The following SYT1 variants were observed in gnomAD, a reference collection of about 807,000 sequenced individuals.
The protein encoded by SYT1 is synaptotagmin-1.
A neutral mutation model predicts 44.8 loss-of-function variants in SYT1; 8 were observed. That is an observed-to-expected ratio of 0.18 (90% CI 0.10 to 0.32). SYT1 has a LOEUF of 0.32. Among genes scored for constraint, SYT1 ranks in the 10% least tolerant of loss-of-function variants. The pLI, the probability that SYT1 is intolerant of heterozygous loss-of-function variation, is 1.00. For missense variants in SYT1, 286 were observed against 509.3 expected (o/e 0.56, Z 4.22); for synonymous variants, 154 against 188.8 (o/e 0.82, Z 1.51).
At chr12:78,933,717 A>T (rs1877882245) in intron 1 of SYT1, among the ~76,000 whole-genome samples, 1 of 152,162 alleles carries the variant, frequency 6.6e-6, no homozygotes, top group Admixed American at 6.6e-5. Flanking sequence ...AATTTTTGAT[A>T]ATTCATCATA....
chr12:79,329,399 A>G (rs904735632), intron 8 of SYT1, among the ~76,000 whole-genome samples: 1 of 152,252 alleles, frequency 6.6e-6, no homozygotes, highest in Non-Finnish European at 1.5e-5. Flanking sequence ...TACTGAAAAT[A>G]TAAGTGTCTG....
intron 3 of SYT1, among the ~76,000 whole-genome samples, chr12:79,096,495 T>C (rs1878139055): frequency 6.6e-6 from 1 of 151,994 alleles, no homozygotes. Context: ...CTTTAACAGA[T>C]GTAGTCCAGA....
chr12:79,371,531 A>AT (rs1484718312), intron 9 of SYT1, among the ~76,000 whole-genome samples: 11 of 152,186 alleles, frequency 7.2e-5, no homozygotes, highest in Non-Finnish European at 1.5e-4. Context: ...CTCTTTATTC[A>AT]TTTTCTTCAG....
At chr12:79,194,322 A>G (rs925798277) in intron 3 of SYT1, among the ~76,000 whole-genome samples, 5 of 152,112 alleles carry the variant, frequency 3.3e-5, no homozygotes, top group African/African-American at 1.2e-4. Flanking sequence ...GATTGGTGTC[A>G]CCTATGTTTA....
intron 3 of SYT1, among the ~76,000 whole-genome samples, chr12:79,065,355 C>A (rs1875763189): frequency 6.6e-6 from 1 of 152,240 alleles, no homozygotes; most frequent in African/African-American, 2.4e-5. Flanking sequence ...TGTGCCACTG[C>A]ATTCCAGCCT....
rs1478645907 is a variant in SYT1, at chr12:79,408,816, T to A, written c.929-35257T>A. The stretch of plus-strand genomic sequence containing the variant: ...CTGATAATTATAATTTCCCGGAGAG[T>A]TATGGCACACAAATTACTTTGTAAT... On this transcript the variant is annotated intron_variant, in intron 9 of 10. Coordinates refer to ENST00000261205, the MANE Select transcript of SYT1 (RefSeq NM_005639.3). Among the ~76,000 whole-genome samples the A allele has an allele frequency of 4.0e-5, 6 of 151,800 alleles. No homozygotes were observed. In the East Asian group the frequency reaches 1.2e-3, roughly 29 times the overall value.
At chr12:78,876,751 G>T (rs868853032) in intron 1 of SYT1, among the ~76,000 whole-genome samples, 4 of 54,404 alleles carry the variant, frequency 7.4e-5, no homozygotes, top group African/African-American at 1.0e-4. Flanking sequence ...ATTATATATT[G>T]TATATTATAT....
Position 79,256,229 on chromosome 12 carries a change from G to A in SYT1, c.167-29558G>A, listed in dbSNP as rs74110307. On this transcript the variant is annotated intron_variant, in intron 4 of 10. Coordinates refer to ENST00000261205, the MANE Select transcript of SYT1 (RefSeq NM_005639.3). ...AACGGCAAAAGAAATTCTGCCTTTC[G>A]GCACATATTTTCTCTACTAATATTT... is the stretch of plus-strand genomic sequence containing the variant. 3.3e-3 allele frequency among the ~76,000 whole-genome samples: 507 copies of A among 152,200 alleles called. 3 individuals are homozygous for A. Among genetic ancestry groups the A allele is most frequent in the African/African-American group, 0.012 (486 of 41,526 alleles).
intron 4 of SYT1, among the ~76,000 whole-genome samples, chr12:79,270,441 G>T (rs1424328376): frequency 6.6e-6 from 1 of 152,104 alleles, no homozygotes; most frequent in Non-Finnish European, 1.5e-5. Flanking sequence ...CCATAGCAAT[G>T]GTATTACCTG....
chr12:79,371,964 C>G (rs1883808680), intron 9 of SYT1, among the ~76,000 whole-genome samples: 1 of 152,214 alleles, frequency 6.6e-6, no homozygotes, highest in African/African-American at 2.4e-5. Flanking sequence ...CGTTTTTTCA[C>G]TTGATCACTG....
intron 9 of SYT1, among the ~76,000 whole-genome samples, chr12:79,435,524 C>T (rs564572978): frequency 5.3e-5 from 8 of 152,084 alleles, no homozygotes; most frequent in Admixed American, 3.9e-4. Flanking sequence ...ATATGGCTGG[C>T]CAAGAGTGAT....
At chr12:79,329,543 T>G (rs764608793) in intron 8 of SYT1, among the ~76,000 whole-genome samples, 8 of 152,224 alleles carry the variant, frequency 5.3e-5, no homozygotes, top group Non-Finnish European at 8.8e-5. Context: ...GCATGTACAC[T>G]TTCCACATTC....
chr12:79,312,944 G>T (rs1311399441), intron 8 of SYT1, among the ~76,000 whole-genome samples: 4 of 152,060 alleles, frequency 2.6e-5, no homozygotes, highest in African/African-American at 4.8e-5. Flanking sequence ...AGACCTCATT[G>T]CATGTCACTC....
chr12:79,060,377 A>G (rs1875290160), intron 3 of SYT1, among the ~76,000 whole-genome samples: 1 of 152,038 alleles, frequency 6.6e-6, no homozygotes, highest in Non-Finnish European at 1.5e-5. Flanking sequence ...CAGTGGTATT[A>G]AGTACATTCA....
intron 2 of SYT1, among the ~76,000 whole-genome samples, chr12:79,029,028 G>A (rs923325175): frequency 1.3e-5 from 2 of 151,042 alleles, no homozygotes; most frequent in African/African-American, 2.4e-5. Flanking sequence ...CTTGTGGTTG[G>A]GACATTAGTC....
At chr12:79,401,017 A>G (rs1388989503) in intron 9 of SYT1, among the ~76,000 whole-genome samples, 1 of 152,218 alleles carries the variant, frequency 6.6e-6, no homozygotes, top group East Asian at 1.9e-4. Context: ...ATGATCTTAA[A>G]TAAACCTTTT....
intron 9 of SYT1, among the ~76,000 whole-genome samples, chr12:79,404,735 C>T (rs1006482694): frequency 6.6e-6 from 1 of 152,166 alleles, no homozygotes; most frequent in Non-Finnish European, 1.5e-5. Context: ...CTCATAATTA[C>T]TTATGTAAAT....
rs73347867 is a variant in SYT1, at chr12:78,868,017, A to G, written c.-217+2908A>G. On this transcript the variant is annotated intron_variant, in intron 1 of 10. Coordinates refer to ENST00000261205, the MANE Select transcript of SYT1 (RefSeq NM_005639.3). ...TCAGTTCATCACTTTTGATGTCAGT[A>G]TATTAAGTTGATTTTGAGAAAATTC... Among the ~76,000 whole-genome samples the G allele has an allele frequency of 3.8e-3, 571 of 152,032 alleles. 7 individuals are homozygous for G. The highest frequency in any genetic ancestry group is 0.013 in the African/African-American group (546 of 41,568).
At chr12:79,403,709 T>C (rs1447018550) in intron 9 of SYT1, among the ~76,000 whole-genome samples, 1 of 152,132 alleles carries the variant, frequency 6.6e-6, no homozygotes, top group East Asian at 1.9e-4. Flanking sequence ...AGCAGATGTA[T>C]TTCTCAAAGC....
Sources: gnomAD v4.1 joint callset for allele counts (sites outside exome capture counted in the v4.1 genomes callset) on GRCh38, gnomAD v4.1.1 for gene constraint, MANE v1.5 for transcripts, NCBI Gene and HGNC (gene_info 2026-07-23, HGNC 2026-07-21) for gene names.